Variants in PTPRD observed in about 807,000 individuals in gnomAD.
PTPRD encodes protein tyrosine phosphatase receptor type D.
Under a neutral mutation model 214.5 loss-of-function variants are expected in PTPRD, and 34 were observed. The observed-to-expected ratio is 0.16, with a 90% CI of 0.12 to 0.21. The LOEUF (loss-of-function observed/expected upper bound fraction) is 0.21. Ranked by LOEUF, PTPRD falls within the 10% of genes least tolerant of loss-of-function variation. PTPRD has a pLI of 1.00. For synonymous variants in PTPRD, 1,128 were observed against 845.7 expected (o/e 1.33, Z -5.79); for missense variants, 2,545 against 2,398.7 (o/e 1.06, Z -1.27).
At chr9:9,345,682 T>C (rs916272705) in intron 9 of PTPRD, among the ~76,000 whole-genome samples, 1 of 152,142 alleles carries the variant, frequency 6.6e-6, no homozygotes, top group African/African-American at 2.4e-5. Context: ...ATTATCTAGA[T>C]GCAAATCCTG....
chr9:10,160,436 C>G (rs564137804), intron 3 of PTPRD, among the ~76,000 whole-genome samples: 3 of 151,856 alleles, frequency 2.0e-5, no homozygotes. Flanking sequence ...AGAATGAATA[C>G]CAATTCTTCT....
chr9:10,512,031 TA>T (rs2048424703), intron 2 of PTPRD, among the ~76,000 whole-genome samples: 2 of 15,154 alleles, frequency 1.3e-4, no homozygotes, highest in African/African-American at 6.7e-4. Flanking sequence ...TATATATATG[TA>T]TATATATATA....
chr9:9,426,834 C>T (rs767805722), intron 8 of PTPRD, among the ~76,000 whole-genome samples: 25 of 152,198 alleles, frequency 1.6e-4, no homozygotes, highest in Non-Finnish European at 2.8e-4. Flanking sequence ...AACAGACCTG[C>T]AGCTGAGGGT....
intron 11 of PTPRD, among the ~76,000 whole-genome samples, chr9:8,820,097 G>A (rs2097019557): frequency 6.6e-6 from 1 of 152,090 alleles, no homozygotes; most frequent in Admixed American, 6.6e-5. Context: ...ATCAGAATAT[G>A]TAACAATAAC....
chr9:10,559,954 G>C (rs1366577475), intron 2 of PTPRD, among the ~76,000 whole-genome samples: 7 of 152,150 alleles, frequency 4.6e-5, no homozygotes, highest in Admixed American at 2.0e-4. Context: ...CTTTTACACT[G>C]TTGGTGGGAC....
chr9:10,400,941 T>C (rs80321365), intron 2 of PTPRD, among the ~76,000 whole-genome samples: 1 of 151,536 alleles, frequency 6.6e-6, no homozygotes. Flanking sequence ...CTTAAACATA[T>C]ATATTCAAAG....
chr9:9,698,314 A>G (rs1449204310), intron 7 of PTPRD, among the ~76,000 whole-genome samples: 2 of 152,136 alleles, frequency 1.3e-5, no homozygotes, highest in African/African-American at 4.8e-5. Flanking sequence ...TTTGCAATAT[A>G]GTTACTGAGT....
intron 7 of PTPRD, among the ~76,000 whole-genome samples, chr9:9,684,602 T>C (rs1307383258): frequency 6.6e-6 from 1 of 151,686 alleles, no homozygotes. Context: ...AACTTCCTTC[T>C]TAAATATTCA....
chr9:9,401,946 G>C (rs1039976220), intron 8 of PTPRD, among the ~76,000 whole-genome samples: 4 of 152,050 alleles, frequency 2.6e-5, no homozygotes, highest in African/African-American at 7.2e-5. Flanking sequence ...AGAACTGTGA[G>C]TCAATTAAAC....
chr9:8,969,740 G>A (rs1296956486), intron 11 of PTPRD, among the ~76,000 whole-genome samples: 1 of 151,864 alleles, frequency 6.6e-6, no homozygotes, highest in African/African-American at 2.4e-5. Context: ...TATTGATAGT[G>A]AGCCATCAGA....
At chr9:9,773,429 G>T (rs1305646499) in intron 5 of PTPRD, among the ~76,000 whole-genome samples, 1 of 152,118 alleles carries the variant, frequency 6.6e-6, no homozygotes. Context: ...TATACATGAT[G>T]ATTGACAGTG....
At chr9:9,015,485 T>G (rs188235076) in intron 11 of PTPRD, among the ~76,000 whole-genome samples, 1 of 152,274 alleles carries the variant, frequency 6.6e-6, no homozygotes, top group Non-Finnish European at 1.5e-5. Context: ...GCATGAATAA[T>G]CCACTCCTTG....
chr9:9,314,648 C>T (rs573250582), intron 9 of PTPRD, among the ~76,000 whole-genome samples: 2 of 151,938 alleles, frequency 1.3e-5, no homozygotes, highest in African/African-American at 2.4e-5. Flanking sequence ...GTAATAAATG[C>T]CTGTTCAATT....
chr9:10,500,646 T>C (rs958465620), intron 2 of PTPRD, among the ~76,000 whole-genome samples: 1 of 151,824 alleles, frequency 6.6e-6, no homozygotes, highest in Admixed American at 6.6e-5. Flanking sequence ...GATCTTTTCA[T>C]CCTTTCTAGT....
intron 11 of PTPRD, among the ~76,000 whole-genome samples, chr9:8,792,903 C>T (rs879387833): frequency 1.3e-5 from 2 of 152,152 alleles, no homozygotes; most frequent in African/African-American, 2.4e-5. Context: ...CCCACAGTTA[C>T]AGCTACTTCA....
chr9:10,043,528 G>C (rs1040787656), intron 3 of PTPRD, among the ~76,000 whole-genome samples: 1 of 151,742 alleles, frequency 6.6e-6, no homozygotes, highest in Non-Finnish European at 1.5e-5. Context: ...AGGTAAATTT[G>C]GAGTTCCTAT....
At chr9:9,516,384 T>G (rs1159616710) in intron 8 of PTPRD, among the ~76,000 whole-genome samples, 1 of 152,022 alleles carries the variant, frequency 6.6e-6, no homozygotes, top group African/African-American at 2.4e-5. Flanking sequence ...CTACGTTGTG[T>G]GAACTTGATC....
chr9:10,470,424 T>C (rs902197586), intron 2 of PTPRD, among the ~76,000 whole-genome samples: 2 of 152,092 alleles, frequency 1.3e-5, no homozygotes, highest in African/African-American at 4.8e-5. Flanking sequence ...ATAAAAACCT[T>C]CTAAGAAAAA....
intron 7 of PTPRD, among the ~76,000 whole-genome samples, chr9:9,685,429 A>T (rs2097150332): frequency 6.6e-6 from 1 of 151,408 alleles, no homozygotes; most frequent in African/African-American, 2.4e-5. Context: ...TGAGAGTAAA[A>T]ATATTTTATT....
Sources: gnomAD v4.1 joint callset for allele counts (sites outside exome capture counted in the v4.1 genomes callset) on GRCh38, gnomAD v4.1.1 for gene constraint, MANE v1.5 for transcripts, NCBI Gene and HGNC (gene_info 2026-07-23, HGNC 2026-07-21) for gene names.